Variants in TWIST2 observed in about 807,000 individuals in gnomAD.
The protein encoded by TWIST2 is twist family bHLH transcription factor 2.
A neutral mutation model predicts 11.6 loss-of-function variants in TWIST2; 1 was observed. That is an observed-to-expected ratio of 0.09 (90% confidence interval 0.03 to 0.41). The LOEUF (loss-of-function observed/expected upper bound fraction) is 0.41. Ranked by LOEUF, TWIST2 falls within the 10% of genes least tolerant of loss-of-function variation. TWIST2 has a pLI of 0.98. For missense variants in TWIST2, 168 were observed against 226.4 expected, an observed-to-expected ratio of 0.74 and a Z score of 1.66; for synonymous variants, 87 against 96.6, an observed-to-expected ratio of 0.90 and a Z score of 0.58.
At chr2:238,855,361 G>A (rs544808786) in intron 1 of TWIST2, among the ~76,000 whole-genome samples, 6 of 152,292 alleles carry the variant, frequency 3.9e-5, no homozygotes, top group African/African-American at 1.4e-4. Context: ...ACCAATGGGC[G>A]AACAGTGTCT....
At chr2:238,897,578 C>T (rs1299575604) in intron 1 of TWIST2, among the ~76,000 whole-genome samples, 1 of 152,218 alleles carries the variant, frequency 6.6e-6, no homozygotes, top group East Asian at 1.9e-4. Context: ...TGCTCAGCTG[C>T]TCAGCCTCCG....
Position 238,867,959 on chromosome 2 carries a change from G to A in TWIST2, c.*35+19226G>A, listed in dbSNP as rs1692573330. Among the ~76,000 whole-genome samples, 1 of 152,176 alleles carries A rather than the reference G, an allele frequency of 6.6e-6. No individual in the cohort carries two copies. The highest frequency in any genetic ancestry group is 1.5e-5 in the Non-Finnish European group (1 of 68,028). On this transcript the variant is annotated intron_variant, in intron 1 of 1. Coordinates refer to ENST00000612363, the MANE Select transcript of TWIST2 (RefSeq NM_001271893.4). The surrounding 1 kb of genome is among the most constrained non-coding windows in gnomAD (Gnocchi z 4.8). The stretch of plus-strand genomic sequence containing the variant: ...TGTGGTCAGCGGAAGGCATGAGAGG[G>A]GCCACCCTCCTGCATGTAGTGAGGC...
At chr2:238,904,950 AATGG>A (rs1173935766) in intron 1 of TWIST2, among the ~76,000 whole-genome samples, 18 of 152,050 alleles carry the variant, frequency 1.2e-4, no homozygotes, top group South Asian at 1.0e-3. Flanking sequence ...TCAATGAAGA[AATGG>A]ATGGATGGAA....
chr2:238,901,707 G>T (rs1330268144), intron 1 of TWIST2, among the ~76,000 whole-genome samples: 1 of 152,186 alleles, frequency 6.6e-6, no homozygotes, highest in African/African-American at 2.4e-5. Context: ...CTCGGCAGGG[G>T]ACAGAGAGCC....
intron 1 of TWIST2, among the ~76,000 whole-genome samples, chr2:238,877,311 A>G (rs1692824965): frequency 6.6e-6 from 1 of 152,182 alleles, no homozygotes; most frequent in African/African-American, 2.4e-5. Flanking sequence ...GAATGATTCT[A>G]TATGGATTAT....
chr2:238,850,855 A>G (rs1018054966), intron 1 of TWIST2, among the ~76,000 whole-genome samples: 1 of 152,240 alleles, frequency 6.6e-6, no homozygotes, highest in African/African-American at 2.4e-5. Flanking sequence ...TTCATTAAAT[A>G]GATACTCTAA....
Position 238,908,868 on chromosome 2 carries a change from G to A in TWIST2, c.*36-974G>A, listed in dbSNP as rs1201576785. Among the ~76,000 whole-genome samples, 5 of 68,108 alleles carry A rather than the reference G, an allele frequency of 7.3e-5. No individual in the cohort carries two copies. The Admixed American group carries it at 9.1e-4, about 12-fold the overall frequency. 44.7% of individuals were successfully genotyped at this position (68,108 alleles called of 152,430 possible). A position where few individuals can be genotyped will look rare whatever the true frequency, so the allele number is the denominator to read the frequency against. ...GATGTGTTTGTGTGTGGGAGGGTGT[G>A]GTGTGTTTGTGTGGTGTGTGGTGGT... is the stretch of plus-strand genomic sequence containing the variant. On this transcript the variant is annotated intron_variant, in intron 1 of 1. Transcript: ENST00000612363.
At chr2:238,904,505 A>AGAG (rs1217670414) in intron 1 of TWIST2, among the ~76,000 whole-genome samples, 108 of 151,334 alleles carry the variant, frequency 7.1e-4, no homozygotes, top group African/African-American at 2.5e-3. Context: ...GTGTCTGACT[A>AGAG]GAGATTTCAC....
chr2:238,891,782 A>C (rs1018155680), intron 1 of TWIST2, among the ~76,000 whole-genome samples: 2 of 152,192 alleles, frequency 1.3e-5, no homozygotes, highest in African/African-American at 4.8e-5. Context: ...AAACCCCGCT[A>C]TTCTCCGTGT....
chr2:238,852,668 C>CACAT (rs1553565885), intron 1 of TWIST2, among the ~76,000 whole-genome samples: 4 of 141,434 alleles, frequency 2.8e-5, no homozygotes, highest in African/African-American at 1.0e-4. Flanking sequence ...CACACACACA[C>CACAT]GCACATGCAC....
rs1383394590 is a variant in TWIST2, at chr2:238,894,404, C to T, written c.*36-15438C>T. On this transcript the variant is annotated intron_variant, in intron 1 of 1. Coordinates refer to ENST00000612363, the MANE Select transcript of TWIST2 (RefSeq NM_001271893.4). ...CCCCTGAGCGGCCCCTTGCCACCCC[C>T]ACACTCAGCGGGTCACTGTGTCTGG... 1.3e-4 allele frequency among the ~76,000 whole-genome samples: 20 copies of T among 152,318 alleles called. No individual in the cohort carries two copies. The East Asian group carries it at 3.7e-3, about 28-fold the overall frequency.
At chr2:238,870,872 C>CA (rs1692676240) in intron 1 of TWIST2, among the ~76,000 whole-genome samples, 1 of 65,112 alleles carries the variant, frequency 1.5e-5, no homozygotes, top group Non-Finnish European at 3.1e-5. Context: ...CCCACACACA[C>CA]CACACACACA....
intron 1 of TWIST2, among the ~76,000 whole-genome samples, chr2:238,852,204 C>T (rs2106347765): frequency 6.6e-6 from 1 of 152,168 alleles, no homozygotes; most frequent in Middle Eastern, 3.4e-3. Flanking sequence ...TAACTCATAA[C>T]TTTAGTTTAA....
At chr2:238,861,495 C>CATCT (rs753682160) in intron 1 of TWIST2, among the ~76,000 whole-genome samples, 4 of 152,098 alleles carry the variant, frequency 2.6e-5, no homozygotes, top group Non-Finnish European at 5.9e-5. Flanking sequence ...TCAGAGACAC[C>CATCT]ATCTGGATGC....
At chr2:238,852,633 A>AT (rs1692261556) in intron 1 of TWIST2, among the ~76,000 whole-genome samples, 1 of 148,146 alleles carries the variant, frequency 6.8e-6, no homozygotes, top group Non-Finnish European at 1.5e-5. Context: ...TCTACACGTG[A>AT]TAAAATTGCA....
intron 1 of TWIST2, among the ~76,000 whole-genome samples, chr2:238,893,802 C>T (rs987625610): frequency 1.0e-3 from 156 of 152,304 alleles, no homozygotes; most frequent in African/African-American, 3.7e-3. Flanking sequence ...CAAGGAGCGC[C>T]GACCTCCTGG....
chr2:238,871,703 A>C (rs1440853407), intron 1 of TWIST2, among the ~76,000 whole-genome samples: 1 of 143,280 alleles, frequency 7.0e-6, no homozygotes, highest in Non-Finnish European at 1.5e-5. Context: ...ACACGATGGA[A>C]TGTCATTCTG....
chr2:238,870,261 A>C (rs1490143900), intron 1 of TWIST2, among the ~76,000 whole-genome samples: 3 of 56 alleles, frequency 0.054, no homozygotes, highest in African/African-American at 0.11. Flanking sequence ...CCCACACACA[A>C]GCCACACACC....
rs1392899644 is a variant in TWIST2, at chr2:238,863,107, A to C, written c.*35+14374A>C. Among the ~76,000 whole-genome samples, 1 of 151,900 alleles carries C rather than the reference A, an allele frequency of 6.6e-6. No homozygotes were observed. The highest frequency in any genetic ancestry group is 6.6e-5 in the Admixed American group (1 of 15,250). ...ATTACTTCTGCAATTTGAGAACACA[A>C]ATCCAGAGGTGCCCAGTGCTTTGTA... On this transcript the variant is annotated intron_variant, in intron 1 of 1. Coordinates refer to ENST00000612363, the MANE Select transcript of TWIST2 (RefSeq NM_001271893.4). The surrounding 1 kb of genome is among the most constrained non-coding windows in gnomAD (Gnocchi z 4.7).
Sources: gnomAD v4.1 joint callset for allele counts (sites outside exome capture counted in the v4.1 genomes callset) on GRCh38, gnomAD v4.1.1 for gene constraint, Gnocchi (gnomAD v3.1) non-coding constraint, MANE v1.5 for transcripts, NCBI Gene and HGNC (gene_info 2026-07-23, HGNC 2026-07-21) for gene names.